Variants in CFH observed in about 807,000 individuals in gnomAD.
CFH encodes the protein H factor 1 (complement).
In CFH, 53 loss-of-function variants were observed where a neutral mutation model predicts 147.3. That is an observed-to-expected ratio of 0.36 (90% confidence interval 0.29 to 0.45). The LOEUF is 0.45. Ranked by LOEUF, CFH falls within the 20% of genes least tolerant of loss-of-function variation. The pLI, the probability that CFH is intolerant of heterozygous loss-of-function variation, is 1.00. For missense variants in CFH, 1,380 were observed against 1,498.0 expected (o/e 0.92, Z 1.30); for synonymous variants, 536 against 489.4 (o/e 1.10, Z -1.26).
intron 3 of CFH, among the ~76,000 whole-genome samples, chr1:196,675,538 T>C (rs1036702482): frequency 1.1e-4 from 16 of 152,092 alleles, no homozygotes; most frequent in East Asian, 3.9e-4. Flanking sequence ...AGGTTAGTCG[T>C]TGGTTACTAT....
rs191610900 is a variant in CFH, at chr1:196,721,155, T to A, written c.1697-3966T>A. Among the ~76,000 whole-genome samples the A allele has an allele frequency of 7.5e-3, 1,145 of 152,126 alleles. 10 individuals carry two copies. Among genetic ancestry groups the A allele is most frequent in the Non-Finnish European group, 0.011 (757 of 67,898 alleles). Reference sequence around the variant, plus strand: ...TCCACTTTTTCATGGGATTATTATTTTTTTTTCTTGTTGTGTTGTTTCAGT... The same window carrying A: ...TCCACTTTTTCATGGGATTATTATTATTTTTTCTTGTTGTGTTGTTTCAGT... On this transcript the variant is annotated intron_variant, in intron 11 of 21. Transcript: ENST00000367429.
At chr1:196,680,478 A>C (rs1401965808) in intron 6 of CFH, among the ~76,000 whole-genome samples, 5 of 151,894 alleles carry the variant, frequency 3.3e-5, no homozygotes, top group African/African-American at 9.7e-5. Flanking sequence ...TATCATGGCC[A>C]AGAAGAGAGA....
chr1:196,685,712 T>C (rs490864), intron 7 of CFH, among the ~76,000 whole-genome samples: 4,521 of 152,132 alleles, frequency 0.03, 205 homozygotes, highest in African/African-American at 0.098. Context: ...AAGGCTTGGC[T>C]GGGAAGGAGG....
At chr1:196,689,931 T>C in intron 8 of CFH, 132 bp from the exon 9 acceptor site, 1 of 1,085,454 alleles carries the variant, frequency 9.2e-7, no homozygotes, top group Admixed American at 2.7e-5. Context: ...TTAGTTCGTC[T>C]TCAGTTATAC....
intron 7 of CFH, among the ~76,000 whole-genome samples, chr1:196,687,193 T>C (rs1366546391): frequency 1.3e-5 from 2 of 152,076 alleles, no homozygotes. Flanking sequence ...TTTATCAATT[T>C]TAAGATCTGT....
intron 6 of CFH, among the ~76,000 whole-genome samples, chr1:196,681,454 T>C (rs1349949595): frequency 6.8e-6 from 1 of 147,436 alleles, no homozygotes; most frequent in East Asian, 2.1e-4. Context: ...CTTGCTTCTC[T>C]TGAACACTAA....
Position 196,735,367 on chromosome 1 carries a change from C to T in CFH, c.2414-1457C>T, listed in dbSNP as rs372176842. On this transcript the variant is annotated intron_variant, in intron 15 of 21. Coordinates refer to ENST00000367429, the MANE Select transcript of CFH (RefSeq NM_000186.4). ...CTCAGCACATAGTCTACCTTGCTAACGGTTCTATTTACAAATAAAAATATG... is the reference window on the plus strand; with the variant it reads ...CTCAGCACATAGTCTACCTTGCTAATGGTTCTATTTACAAATAAAAATATG... Among the ~76,000 whole-genome samples, 20 of 152,158 alleles carry T rather than the reference C, an allele frequency of 1.3e-4. No individual in the cohort carries two copies. The East Asian group carries it at 2.1e-3, about 16-fold the overall frequency.
intron 10 of CFH, among the ~76,000 whole-genome samples, chr1:196,714,591 A>G (rs185769621): frequency 0.067 from 7,286 of 109,042 alleles, 284 homozygotes; most frequent in Non-Finnish European, 0.093. Context: ...AAAACCACTC[A>G]GTAATATGTG....
rs368206533 is a variant in CFH at position 196,725,272 on chromosome 1, G to A, written c.1848G>A (p.Leu616=). ...PNSVQCYHFG[L]SPDLPICKEQ... is the part of the protein sequence containing the mutation. ...CCGTTCAGTGCTACCACTTTGGATT[G>A]TCTCCTGACCTCCCAATATGTAAAG... The change falls in exon 12 of 22, where the codon TTG becomes TTA. Residue 616 remains leucine, a synonymous_variant. Transcript: ENST00000367429. 51 of 1,613,714 alleles carry A rather than the reference G, an allele frequency of 3.2e-5. No individual in the cohort carries two copies. In the African/African-American group the frequency reaches 5.9e-4, roughly 19 times the overall value.
At position 196,742,739 on chromosome 1, in the gene CFH, C is replaced by T. The variant is rs542704706; in HGVS notation, c.3133+688C>T. Reference sequence around the variant, plus strand: ...ACACCTCCAGGGAATTCTATTTACACTTCCGAGTGAGAAGCATTGCTATAG... The same window carrying T: ...ACACCTCCAGGGAATTCTATTTACATTTCCGAGTGAGAAGCATTGCTATAG... On this transcript the variant is annotated intron_variant, in intron 19 of 21. Coordinates refer to ENST00000367429, the MANE Select transcript of CFH (RefSeq NM_000186.4). Among the ~76,000 whole-genome samples the T allele has an allele frequency of 3.9e-5, 6 of 152,326 alleles. No homozygotes were observed. The East Asian group carries it at 1.2e-3, about 29-fold the overall frequency.
intron 9 of CFH, among the ~76,000 whole-genome samples, chr1:196,713,164 G>C (rs552126127): frequency 6.6e-6 from 1 of 152,192 alleles, no homozygotes; most frequent in African/African-American, 2.4e-5. Context: ...TACATAATTT[G>C]AGGAATCATC....
chr1:196,705,980 A>T (rs997201795), intron 9 of CFH, among the ~76,000 whole-genome samples: 2 of 152,190 alleles, frequency 1.3e-5, no homozygotes, highest in Non-Finnish European at 2.9e-5. Flanking sequence ...TCAACCAGAC[A>T]TGACCAAAAT....
chr1:196,742,911 A>C (rs1652861013), intron 19 of CFH, among the ~76,000 whole-genome samples: 1 of 152,116 alleles, frequency 6.6e-6, no homozygotes, highest in South Asian at 2.1e-4. Context: ...TCCAATTTGG[A>C]TCCTTTGATT....
chr1:196,713,066 G>T (rs548472691), intron 9 of CFH, among the ~76,000 whole-genome samples: 5 of 151,892 alleles, frequency 3.3e-5, no homozygotes. Context: ...GAATAATGCC[G>T]CAATAAACAT....
chr1:196,684,644 A>T (rs543950171), intron 6 of CFH, among the ~76,000 whole-genome samples: 1 of 152,038 alleles, frequency 6.6e-6, no homozygotes, highest in Non-Finnish European at 1.5e-5. Context: ...ACATGGCCAC[A>T]GTTACTTCAA....
intron 9 of CFH, among the ~76,000 whole-genome samples, chr1:196,704,733 A>T (rs1266274386): frequency 3.9e-5 from 6 of 152,242 alleles, no homozygotes; most frequent in Non-Finnish European, 8.8e-5. Context: ...CCTGCAATAC[A>T]GGAAGAATTC....
chr1:196,711,035 A>G (rs1668712626), intron 9 of CFH, among the ~76,000 whole-genome samples: 1 of 151,962 alleles, frequency 6.6e-6, no homozygotes, highest in Admixed American at 6.6e-5. Flanking sequence ...AACCATAATG[A>G]TGTCATTTCT....
intron 6 of CFH, among the ~76,000 whole-genome samples, chr1:196,681,607 T>C (rs1309438603): frequency 6.6e-6 from 1 of 151,798 alleles, no homozygotes; most frequent in Non-Finnish European, 1.5e-5. Context: ...TTGCAGGTCC[T>C]GCTTTCTTTA....
At chr1:196,719,631 G>A (rs1668952406) in intron 11 of CFH, among the ~76,000 whole-genome samples, 2 of 151,694 alleles carry the variant, frequency 1.3e-5, no homozygotes, top group African/African-American at 2.4e-5. Flanking sequence ...ACTTTTCTAA[G>A]TTAGCAAGAA....
Sources: allele counts gnomAD v4.1 joint callset (sites outside exome capture counted in the v4.1 genomes callset), GRCh38; gene constraint gnomAD v4.1.1; transcripts MANE v1.5; gene names NCBI Gene and HGNC (gene_info 2026-07-23, HGNC 2026-07-21).